SH3RF2: variants seen among roughly 807,000 people sequenced by gnomAD.
SH3RF2 encodes the protein E3 ubiquitin-protein ligase SH3RF2.
Under a neutral mutation model 59.0 loss-of-function variants are expected in SH3RF2, and 43 were observed. That is an observed-to-expected ratio of 0.73 (90% CI 0.57 to 0.94). The LOEUF is 0.94. Among genes scored for constraint, SH3RF2 ranks in the 40% least tolerant of loss-of-function variants. The pLI, the probability that SH3RF2 is intolerant of heterozygous loss-of-function variation, is 0.00. For synonymous variants in SH3RF2, 391 were observed against 391.5 expected, an observed-to-expected ratio of 1.00 and a Z score of 0.01; for missense variants, 930 against 940.1, an observed-to-expected ratio of 0.99 and a Z score of 0.14.
At chr5:146,068,783 T>C (rs1580955709) in intron 9 of SH3RF2, among the ~76,000 whole-genome samples, 1 of 152,188 alleles carries the variant, frequency 6.6e-6, no homozygotes, top group African/African-American at 2.4e-5. Context: ...GTGGGATCTT[T>C]TCTGGATTTG....
At chr5:146,059,841 A>T (rs922821022) in intron 8 of SH3RF2, 25 bp from the exon 9 acceptor site, 1 of 1,399,200 alleles carries the variant, frequency 7.1e-7, no homozygotes, top group Non-Finnish European at 9.3e-7. Context: ...CCTGCTGCTG[A>T]TCTCTCTGTC....
intron 9 of SH3RF2, among the ~76,000 whole-genome samples, chr5:146,073,719 C>T (rs898878213): frequency 1.3e-5 from 2 of 152,042 alleles, no homozygotes; most frequent in Non-Finnish European, 2.9e-5. Flanking sequence ...GGTGTTGTTC[C>T]GTACAGTTGG....
At chr5:145,951,659 C>A (rs147958886) in intron 2 of SH3RF2, among the ~76,000 whole-genome samples, 1 of 152,268 alleles carries the variant, frequency 6.6e-6, no homozygotes, top group East Asian at 1.9e-4. Flanking sequence ...TCCTCCACCT[C>A]TGAACAGCAA....
chr5:146,063,729 G>A (rs183375839), downstream of SH3RF2, among the ~76,000 whole-genome samples: 91 of 152,144 alleles, frequency 6.0e-4, no homozygotes, highest in Non-Finnish European at 1.1e-3. Flanking sequence ...GCATGATGGC[G>A]CACACCTGTA....
Position 146,052,105 on chromosome 5 carries a change from A to G in SH3RF2, c.1322+2860A>G, listed in dbSNP as rs75656310. Among the ~76,000 whole-genome samples the G allele has an allele frequency of 8.4e-3, 1,275 of 152,280 alleles. 18 individuals carry two copies. The highest frequency in any genetic ancestry group is 0.029 in the African/African-American group (1,211 of 41,550). On this transcript the variant is annotated intron_variant, in intron 7 of 9. Transcript: ENST00000359120. ...GAATTCCCCAGGGCCCATCCCCACG[A>G]CTAGGGCATTTGCTTATACATCAGG...
intron 2 of SH3RF2, among the ~76,000 whole-genome samples, chr5:145,992,235 C>T (rs1035220888): frequency 2.6e-5 from 4 of 151,976 alleles, no homozygotes; most frequent in East Asian, 3.9e-4. Flanking sequence ...ATTAGCCAGG[C>T]GTGGTGGTGC....
Position 146,013,857 on chromosome 5 carries a change from C to T in SH3RF2, c.855C>T (p.Leu285=). 1 of 1,614,158 alleles carries T rather than the reference C, an allele frequency of 6.2e-7. No individual in the cohort carries two copies. The part of the protein sequence containing the change: ...SSSSRGNTST[L]RRGPGSRRKV... ...CCTCCAGAGGCAACACGTCTACCCTCCGTAGGGGCCCAGGGTCCAGGAGGA... is the reference window on the plus strand; with the variant it reads ...CCTCCAGAGGCAACACGTCTACCCTTCGTAGGGGCCCAGGGTCCAGGAGGA... Residue 285 remains leucine (L), a synonymous_variant, in exon 5 of 10, where the codon CTC becomes CTT. Transcript: ENST00000359120.
intron 2 of SH3RF2, among the ~76,000 whole-genome samples, chr5:145,961,530 A>G (rs1429396132): frequency 1.3e-5 from 2 of 152,220 alleles, no homozygotes; most frequent in Non-Finnish European, 2.9e-5. Flanking sequence ...CCTAAAATAC[A>G]GGACATAATC....
intron 2 of SH3RF2, among the ~76,000 whole-genome samples, chr5:145,949,765 A>T (rs1296452363): frequency 6.6e-6 from 1 of 152,200 alleles, no homozygotes; most frequent in Non-Finnish European, 1.5e-5. Context: ...CATTTTTAAC[A>T]GGGGAAAAAG....
chr5:146,011,410 T>C (rs1260473827), intron 4 of SH3RF2, among the ~76,000 whole-genome samples: 4 of 152,244 alleles, frequency 2.6e-5, no homozygotes, highest in Non-Finnish European at 5.9e-5. Flanking sequence ...TTAAAAATTC[T>C]GTGAAGAAAG....
chr5:145,975,251 G>A (rs1231715511), intron 2 of SH3RF2, among the ~76,000 whole-genome samples: 1 of 152,168 alleles, frequency 6.6e-6, no homozygotes, highest in African/African-American at 2.4e-5. Flanking sequence ...TTTCCCAATA[G>A]CCAGTTTAAC....
intron 9 of SH3RF2, among the ~76,000 whole-genome samples, chr5:146,061,875 A>C (rs796252502): frequency 5.9e-5 from 9 of 152,200 alleles, no homozygotes; most frequent in African/African-American, 2.2e-4. Flanking sequence ...GCAATCTCCC[A>C]ATTTTTATGT....
At chr5:146,056,743 T>C (rs1048321048) in intron 8 of SH3RF2, among the ~76,000 whole-genome samples, 2 of 152,200 alleles carry the variant, frequency 1.3e-5, no homozygotes, top group African/African-American at 4.8e-5. Flanking sequence ...AAAGCAAATC[T>C]CCCTCATATC....
chr5:145,956,814 T>C (rs112736948), intron 2 of SH3RF2, among the ~76,000 whole-genome samples: 2 of 152,082 alleles, frequency 1.3e-5, no homozygotes, highest in East Asian at 1.9e-4. Flanking sequence ...CCTAGGTAAT[T>C]TGGGAGTTAA....
chr5:145,953,031 A>G (rs1013376362), intron 2 of SH3RF2, among the ~76,000 whole-genome samples: 7 of 152,158 alleles, frequency 4.6e-5, no homozygotes, highest in Non-Finnish European at 7.3e-5. Context: ...CATAGGTGCC[A>G]GCTATTGGAA....
chr5:146,077,108 AT>A (rs1449757571), intron 9 of SH3RF2, among the ~76,000 whole-genome samples: 2 of 152,148 alleles, frequency 1.3e-5, no homozygotes, highest in Non-Finnish European at 1.5e-5. Context: ...TTTGGACTTT[AT>A]TTGTACTCAG....
At chr5:146,064,688 A>G (rs375217690), downstream of SH3RF2, among the ~76,000 whole-genome samples, 4 of 3,704 alleles carry the variant, frequency 1.1e-3, no homozygotes, top group South Asian at 0.017. Flanking sequence ...GAAAGAAAGA[A>G]AGAAAGAAAG....
Position 146,074,036 on chromosome 5 carries a change from C to CTTTTT in SH3RF2, c.*34-4407_*34-4403dup, listed in dbSNP as rs70998053. On this transcript the variant is annotated intron_variant, in intron 9 of 9. Transcript: ENST00000511217. ...CCATGGGGTAGGTTTCATTAACACTCTTTTTTTTTTTTTTTTTTTTTGAGA... is the reference window on the plus strand; with the variant it reads ...CCATGGGGTAGGTTTCATTAACACTCTTTTTTTTTTTTTTTTTTTTTTTTTTGAGA... Among the ~76,000 whole-genome samples, 168 of 117,206 alleles carry CTTTTT rather than the reference C, an allele frequency of 1.4e-3. 14 individuals carry two copies. Among genetic ancestry groups the CTTTTT allele is most frequent in the African/African-American group, 5.0e-3 (121 of 24,224 alleles). The allele number at this position is 117,206 out of a possible 152,430, so 76.9% of individuals were successfully genotyped here.
intron 9 of SH3RF2, among the ~76,000 whole-genome samples, chr5:146,070,221 A>G (rs983897902): frequency 6.6e-6 from 1 of 152,194 alleles, no homozygotes; most frequent in African/African-American, 2.4e-5. Context: ...CCAAAACCTT[A>G]ATCCCTCTTC....
Sources: allele counts gnomAD v4.1 joint callset (sites outside exome capture counted in the v4.1 genomes callset), GRCh38; gene constraint gnomAD v4.1.1; transcripts MANE v1.5; gene names NCBI Gene and HGNC (gene_info 2026-07-23, HGNC 2026-07-21).